Variants in ADGRL2 observed in about 807,000 individuals in gnomAD.
ADGRL2 encodes adhesion G protein-coupled receptor L2.
Under a neutral mutation model 157.4 loss-of-function variants are expected in ADGRL2, and 44 were observed. That is an observed-to-expected ratio of 0.28 (90% CI 0.22 to 0.36). The LOEUF is 0.36. Among genes scored for constraint, ADGRL2 ranks in the 10% least tolerant of loss-of-function variants. ADGRL2 has a pLI of 1.00. For missense variants in ADGRL2, 1,510 were observed against 1,768.9 expected, an observed-to-expected ratio of 0.85 and a Z score of 2.63; for synonymous variants, 585 against 624.7, an observed-to-expected ratio of 0.94 and a Z score of 0.95.
chr1:81,412,172 T>C (rs1010935721), intron 1 of ADGRL2, among the ~76,000 whole-genome samples: 1 of 152,152 alleles, frequency 6.6e-6, no homozygotes, highest in Admixed American at 6.5e-5. Context: ...GTTGAGTAAT[T>C]TCCCTTAGGT....
At chr1:81,411,663 TG>T (rs1214615585) in intron 1 of ADGRL2, among the ~76,000 whole-genome samples, 1 of 152,044 alleles carries the variant, frequency 6.6e-6, no homozygotes, top group Non-Finnish European at 1.5e-5. Flanking sequence ...GAGGCTGAGG[TG>T]GGCGGATCAC....
intron 1 of ADGRL2, among the ~76,000 whole-genome samples, chr1:81,334,654 T>A (rs1661510447): frequency 6.6e-6 from 1 of 152,236 alleles, no homozygotes; most frequent in South Asian, 2.1e-4. Flanking sequence ...GGGCTGCCTA[T>A]GAGTAGTGAG....
intron 2 of ADGRL2, among the ~76,000 whole-genome samples, chr1:81,497,873 A>G (rs2078762879): frequency 6.6e-6 from 1 of 152,238 alleles, no homozygotes; most frequent in Non-Finnish European, 1.5e-5. Flanking sequence ...CAAAGGCTAA[A>G]GCATACAATA....
At chr1:81,900,481 A>G (rs1020640837) in intron 2 of ADGRL2, among the ~76,000 whole-genome samples, 1 of 152,146 alleles carries the variant, frequency 6.6e-6, no homozygotes, top group Non-Finnish European at 1.5e-5. Context: ...GATTTGGAGT[A>G]GAGAGTGGAA....
chr1:81,505,198 C>CACACA (rs2078945590), intron 2 of ADGRL2: 1 of 445,898 alleles, frequency 2.2e-6, no homozygotes, highest in African/African-American at 2.0e-5. Context: ...ACCCCCACTC[C>CACACA]CACACACACA....
At chr1:81,540,791 T>G (rs911362425) in intron 2 of ADGRL2, among the ~76,000 whole-genome samples, 1 of 152,198 alleles carries the variant, frequency 6.6e-6, no homozygotes, top group Non-Finnish European at 1.5e-5. Context: ...AAGGTAATTA[T>G]GTGAATTAGC....
chr1:81,331,037 C>A (rs191844684), intron 1 of ADGRL2, among the ~76,000 whole-genome samples: 1 of 152,202 alleles, frequency 6.6e-6, no homozygotes, highest in East Asian at 1.9e-4. Flanking sequence ...CCCCATAGTG[C>A]CTGGCACAGT....
At chr1:81,615,109 G>A (rs923288430) in intron 3 of ADGRL2, among the ~76,000 whole-genome samples, 55 of 152,178 alleles carry the variant, frequency 3.6e-4, no homozygotes, top group African/African-American at 1.3e-3. Flanking sequence ...ATATTGAAAG[G>A]TGAAGCCGGC....
At chr1:81,979,272 TAC>T (rs2149419814) in intron 17 of ADGRL2, among the ~76,000 whole-genome samples, 1 of 151,882 alleles carries the variant, frequency 6.6e-6, no homozygotes, top group Non-Finnish European at 1.5e-5. Flanking sequence ...TTCCTTACAA[TAC>T]AGAGACATAG....
intron 11 of ADGRL2, 25 bp from the exon 12 acceptor site, chr1:81,966,017 ATCCTTTTTTCCCCACC>A (rs1475523657): frequency 1.2e-6 from 2 of 1,605,378 alleles, no homozygotes; most frequent in South Asian, 2.2e-5. Flanking sequence ...CTCTTAAAGA[ATCCTTTTTTCCCCACC>A]TCCTTTATCT....
At chr1:81,589,246 C>T (rs2081085350) in intron 3 of ADGRL2, among the ~76,000 whole-genome samples, 1 of 152,098 alleles carries the variant, frequency 6.6e-6, no homozygotes, top group Admixed American at 6.6e-5. Flanking sequence ...AAGTGAGTTC[C>T]TTGGTCCAAT....
chr1:81,581,007 T>A (rs1557479934), intron 3 of ADGRL2: 1 of 152,192 alleles, frequency 6.6e-6, no homozygotes, highest in Non-Finnish European at 1.5e-5. Context: ...TCCAAACAAT[T>A]GTTTTTCATT....
At chr1:81,374,374 C>G (rs985680825) in intron 1 of ADGRL2, among the ~76,000 whole-genome samples, 1 of 152,070 alleles carries the variant, frequency 6.6e-6, no homozygotes, top group South Asian at 2.1e-4. Context: ...GAGTTCGAGA[C>G]CAGCCTGGCC....
chr1:81,646,683 C>G, intron 3 of ADGRL2, among the ~76,000 whole-genome samples: 1 of 152,108 alleles, frequency 6.6e-6, no homozygotes. Flanking sequence ...ACATCTCAAC[C>G]AGTCAGTAGG....
chr1:81,692,667 T>C lies in ADGRL2; in HGVS notation c.-142-69144T>C, dbSNP rs2083366830. Among the ~76,000 whole-genome samples, 6 of 152,340 alleles carry C rather than the reference T, an allele frequency of 3.9e-5. No homozygotes were observed. The South Asian group carries it at 1.2e-3, about 32-fold the overall frequency. On this transcript the variant is annotated intron_variant, in intron 3 of 24. Transcript: ENST00000370721. ...GTGTTTATCTAAAGATGATTTGATC[T>C]TTTTAATAATCTTTTGAGGAAGATT... is the stretch of plus-strand genomic sequence containing the variant.
At chr1:81,515,520 T>C (rs566486017) in intron 2 of ADGRL2, among the ~76,000 whole-genome samples, 29 of 152,288 alleles carry the variant, frequency 1.9e-4, no homozygotes, top group African/African-American at 6.5e-4. Flanking sequence ...ACAGTGTCTG[T>C]ATAGACAGTA....
intron 2 of ADGRL2, among the ~76,000 whole-genome samples, chr1:81,571,832 C>T (rs2080700265): frequency 6.6e-6 from 1 of 152,026 alleles, no homozygotes; most frequent in South Asian, 2.1e-4. Flanking sequence ...TATATTGTGT[C>T]CAACACAGAA....
intron 1 of ADGRL2, among the ~76,000 whole-genome samples, chr1:81,738,177 CGGA>C (rs1443957873): frequency 6.6e-6 from 1 of 152,148 alleles, no homozygotes; most frequent in Non-Finnish European, 1.5e-5. Context: ...GATCCGGATC[CGGA>C]TGTAGGTCAA....
intron 1 of ADGRL2, among the ~76,000 whole-genome samples, chr1:81,421,295 T>C (rs1364293562): frequency 1.3e-5 from 2 of 152,226 alleles, no homozygotes; most frequent in Admixed American, 6.5e-5. Context: ...ATCTTACTTA[T>C]GGAGGATGTG....
Sources: gnomAD v4.1 joint callset for allele counts (sites outside exome capture counted in the v4.1 genomes callset) on GRCh38, gnomAD v4.1.1 for gene constraint, MANE v1.5 for transcripts, NCBI Gene and HGNC (gene_info 2026-07-23, HGNC 2026-07-21) for gene names.